RAD18: variants seen among roughly 807,000 people sequenced by gnomAD.
RAD18 encodes E3 ubiquitin-protein ligase RAD18.
Under a neutral mutation model 60.4 loss-of-function variants are expected in RAD18, and 47 were observed. That is an observed-to-expected ratio of 0.78 (90% CI 0.62 to 0.99). The LOEUF (loss-of-function observed/expected upper bound fraction) is 0.99. Among genes scored for constraint, RAD18 ranks in the 50% least tolerant of loss-of-function variants. The pLI is 0.00. For synonymous variants in RAD18, 225 were observed against 195.5 expected (o/e 1.15, Z -1.26); for missense variants, 640 against 593.3 (o/e 1.08, Z -0.82).
At chr3:8,923,792 G>C (rs1229165748) in intron 7 of RAD18, among the ~76,000 whole-genome samples, 1 of 152,154 alleles carries the variant, frequency 6.6e-6, no homozygotes, top group Non-Finnish European at 1.5e-5. Flanking sequence ...TTTCAACCCA[G>C]AATTTCATAT....
intron 7 of RAD18, among the ~76,000 whole-genome samples, chr3:8,914,045 G>A (rs1241785299): frequency 1.3e-5 from 2 of 152,156 alleles, no homozygotes; most frequent in Non-Finnish European, 2.9e-5. Flanking sequence ...ATTTTTTAGT[G>A]TGAGTTCAAT....
At chr3:8,953,607 A>C (rs1311818116) in intron 2 of RAD18, among the ~76,000 whole-genome samples, 1 of 152,176 alleles carries the variant, frequency 6.6e-6, no homozygotes, top group African/African-American at 2.4e-5. Flanking sequence ...CACCTATGAA[A>C]TTTGTCTTTC....
intron 8 of RAD18, among the ~76,000 whole-genome samples, chr3:8,913,037 A>G (rs1575542945): frequency 7.0e-5 from 1 of 14,276 alleles, no homozygotes; most frequent in East Asian, 4.7e-4. Context: ...AATGGCCTAG[A>G]AAAAAAAAAA....
At chr3:8,951,267 T>TG (rs1940921149) in intron 2 of RAD18, among the ~76,000 whole-genome samples, 1 of 152,124 alleles carries the variant, frequency 6.6e-6, no homozygotes, top group South Asian at 2.1e-4. Flanking sequence ...GAAGCTGTAG[T>TG]GGGGGCCTTA....
intron 2 of RAD18, among the ~76,000 whole-genome samples, chr3:8,958,000 T>C (rs1941039032): frequency 6.6e-6 from 1 of 152,244 alleles, no homozygotes; most frequent in African/African-American, 2.4e-5. Context: ...GTGAATCTTG[T>C]CTGGAAGAAA....
chr3:8,893,069 T>A (rs1190872949), intron 11 of RAD18, among the ~76,000 whole-genome samples: 1 of 152,220 alleles, frequency 6.6e-6, no homozygotes, highest in Non-Finnish European at 1.5e-5. Context: ...TAAAACAGAT[T>A]TGGGTCTGAA....
chr3:8,957,980 G>C (rs1038123515), intron 2 of RAD18, among the ~76,000 whole-genome samples: 2 of 152,132 alleles, frequency 1.3e-5, no homozygotes, highest in African/African-American at 4.8e-5. Context: ...AACTTATCTT[G>C]GTTTTTAATG....
At chr3:8,891,253 A>G (rs1048822507) in intron 11 of RAD18, among the ~76,000 whole-genome samples, 1 of 151,996 alleles carries the variant, frequency 6.6e-6, no homozygotes, top group African/African-American at 2.4e-5. Context: ...GGGGCCTGGC[A>G]GGGGTCACAG....
intron 12 of RAD18, 73 bp downstream of exon 12, chr3:8,890,316 T>G: frequency 8.2e-7 from 1 of 1,218,688 alleles, no homozygotes; most frequent in Non-Finnish European, 1.2e-6. Flanking sequence ...TAATTTTGTT[T>G]GAAAATCAGC....
intron 9 of RAD18, among the ~76,000 whole-genome samples, chr3:8,911,135 G>C (rs973582320): frequency 2.0e-5 from 3 of 152,190 alleles, no homozygotes; most frequent in African/African-American, 7.2e-5. Context: ...TAAGCTTTGT[G>C]AAGCACTTGA....
intron 9 of RAD18, among the ~76,000 whole-genome samples, chr3:8,904,657 G>T (rs1011080366): frequency 6.6e-6 from 1 of 152,148 alleles, no homozygotes; most frequent in African/African-American, 2.4e-5. Context: ...CGCACTTGAG[G>T]ATAATTATCT....
chr3:8,960,505 C>T (rs775591774), intron 1 of RAD18, among the ~76,000 whole-genome samples: 1 of 152,068 alleles, frequency 6.6e-6, no homozygotes, highest in Non-Finnish European at 1.5e-5. Flanking sequence ...GGACTAATGT[C>T]GCTAATGGTC....
At chr3:8,960,936 T>A (rs765654945) in intron 1 of RAD18, among the ~76,000 whole-genome samples, 17 of 152,196 alleles carry the variant, frequency 1.1e-4, no homozygotes, top group Non-Finnish European at 2.2e-4. Context: ...TAAATTTTTG[T>A]TAAAGTAAAA....
chr3:8,906,794 G>GTTT (rs369984359), intron 9 of RAD18, among the ~76,000 whole-genome samples: 4,081 of 144,586 alleles, frequency 0.028, 78 homozygotes, highest in South Asian at 0.045. Context: ...GGGGGAAACA[G>GTTT]TTTTTTTTTT....
intron 7 of RAD18, among the ~76,000 whole-genome samples, chr3:8,933,895 A>G (rs775873086): frequency 2.0e-5 from 3 of 152,246 alleles, no homozygotes; most frequent in Non-Finnish European, 4.4e-5. Flanking sequence ...AAGACCTATT[A>G]TAAATTACTC....
At chr3:8,883,638 C>A (rs1939509911) in intron 12 of RAD18, among the ~76,000 whole-genome samples, 1 of 152,092 alleles carries the variant, frequency 6.6e-6, no homozygotes, top group Non-Finnish European at 1.5e-5. Context: ...TTGCACACAG[C>A]CTCATGGTTA....
At chr3:8,882,126 G>C (rs13063485) in intron 12 of RAD18, among the ~76,000 whole-genome samples, 26,345 of 136,524 alleles carry the variant, frequency 0.19, 3,214 homozygotes, top group East Asian at 0.41. Flanking sequence ...GTGGCTACGG[G>C]GGACAGGAAG....
intron 7 of RAD18, among the ~76,000 whole-genome samples, chr3:8,930,256 G>C (rs1940528970): frequency 6.6e-6 from 1 of 152,180 alleles, no homozygotes; most frequent in Non-Finnish European, 1.5e-5. Context: ...AGTGAGTATT[G>C]ACCACAGATA....
chr3:8,887,041 T>C (rs1424161133), intron 12 of RAD18, among the ~76,000 whole-genome samples: 1 of 152,176 alleles, frequency 6.6e-6, no homozygotes, highest in Non-Finnish European at 1.5e-5. Flanking sequence ...TAGACAGTGG[T>C]TGCTGCAAGC....
Sources: gnomAD v4.1 joint callset for allele counts (sites outside exome capture counted in the v4.1 genomes callset) on GRCh38, gnomAD v4.1.1 for gene constraint, MANE v1.5 for transcripts, NCBI Gene and HGNC (gene_info 2026-07-23, HGNC 2026-07-21) for gene names.